DOCK9: variants seen among roughly 807,000 people sequenced by gnomAD.
DOCK9 encodes dedicator of cytokinesis protein 9.
Under a neutral mutation model 263.3 loss-of-function variants are expected in DOCK9, and 89 were observed. The ratio of observed to expected loss-of-function variants is 0.34; its 90% CI spans 0.28 to 0.40. The LOEUF (loss-of-function observed/expected upper bound fraction) is 0.40, where lower values mean the gene tolerates loss of function less well. Among genes scored for constraint, DOCK9 ranks in the 10% least tolerant of loss-of-function variants. The pLI is 1.00. For synonymous variants in DOCK9, 976 were observed against 973.1 expected, an observed-to-expected ratio of 1.00 and a Z score of -0.06; for missense variants, 2,140 against 2,603.4, an observed-to-expected ratio of 0.82 and a Z score of 3.87.
At position 99,015,054 on chromosome 13, in the gene DOCK9, C is replaced by T. The variant is rs750195454; in HGVS notation, c.130-59503G>A. On this transcript the variant is annotated intron_variant, in intron 1 of 32. Coordinates refer to the DOCK9 transcript ENST00000427887. The stretch of plus-strand genomic sequence containing the variant: ...TAAGCCATTAGTAAGAAAAACCTGG[C>T]CAACTAGAAGACTGGAATGTAAAGG... 3.2e-4 allele frequency among the ~76,000 whole-genome samples: 49 copies of T among 152,144 alleles called. 1 individual carries two copies. Among genetic ancestry groups the T allele is most frequent in the Non-Finnish European group, 6.5e-4 (44 of 68,014 alleles).
intron 1 of DOCK9, among the ~76,000 whole-genome samples, chr13:99,057,884 A>T (rs2040998604): frequency 6.6e-6 from 1 of 152,296 alleles, no homozygotes; most frequent in Non-Finnish European, 1.5e-5. Flanking sequence ...TATACTGATA[A>T]TACACTGTAA....
At chr13:99,001,227 C>T (rs562887104) in intron 1 of DOCK9, among the ~76,000 whole-genome samples, 1 of 152,176 alleles carries the variant, frequency 6.6e-6, no homozygotes, top group Non-Finnish European at 1.5e-5. Flanking sequence ...TGGTACGAAA[C>T]CACTTGTAAT....
chr13:98,841,686 A>T (rs2093221939), intron 38 of DOCK9, among the ~76,000 whole-genome samples: 1 of 146,594 alleles, frequency 6.8e-6, no homozygotes, highest in African/African-American at 2.5e-5. Flanking sequence ...CAGCGGCATG[A>T]TCTCGGCTCA....
intron 1 of DOCK9, among the ~76,000 whole-genome samples, chr13:98,984,543 T>TAG (rs1877994950): frequency 6.6e-6 from 1 of 152,254 alleles, no homozygotes; most frequent in African/African-American, 2.4e-5. Flanking sequence ...AGAATGTAAC[T>TAG]ACTGATTACC....
At chr13:98,893,020 G>A (rs1188094520) in intron 15 of DOCK9, among the ~76,000 whole-genome samples, 4 of 152,186 alleles carry the variant, frequency 2.6e-5, no homozygotes, top group East Asian at 3.8e-4. Flanking sequence ...AAAGACAAAG[G>A]AAAAGGGGAA....
chr13:98,934,101 C>T (rs565744618), intron 2 of DOCK9, among the ~76,000 whole-genome samples: 1 of 152,056 alleles, frequency 6.6e-6, no homozygotes, highest in South Asian at 2.1e-4. Flanking sequence ...CGGGGGGTCT[C>T]ACCATTTTGT....
chr13:98,881,090 T>C (rs1202862124), intron 25 of DOCK9, among the ~76,000 whole-genome samples: 1 of 152,232 alleles, frequency 6.6e-6, no homozygotes, highest in Non-Finnish European at 1.5e-5. Flanking sequence ...TTACTGGATG[T>C]TGTATATAAA....
At chr13:99,025,895 G>A (rs1050795841) in intron 1 of DOCK9, among the ~76,000 whole-genome samples, 6 of 152,134 alleles carry the variant, frequency 3.9e-5, no homozygotes, top group African/African-American at 1.4e-4. Flanking sequence ...CACAGCATGG[G>A]TGACTCTTAA....
chr13:98,803,907 C>T (rs551309288), intron 49 of DOCK9, among the ~76,000 whole-genome samples: 2 of 150,830 alleles, frequency 1.3e-5, no homozygotes, highest in African/African-American at 2.4e-5. Context: ...CCCTGCAATA[C>T]GCTGTCCTGG....
intron 27 of DOCK9, among the ~76,000 whole-genome samples, chr13:98,870,823 G>T (rs557985157): frequency 1.7e-4 from 26 of 151,626 alleles, no homozygotes; most frequent in African/African-American, 6.1e-4. Context: ...ACACGGTGAG[G>T]CTACCATCAG....
intron 2 of DOCK9, among the ~76,000 whole-genome samples, chr13:98,946,521 G>A (rs1252648448): frequency 2.0e-5 from 3 of 152,068 alleles, no homozygotes; most frequent in Admixed American, 6.6e-5. Context: ...TCCATTTGGA[G>A]CTGGCAGTAT....
rs781212295 is a variant in DOCK9, at chr13:98,881,988, C to T, written c.2579G>A (p.Gly860Asp). The T allele has an allele frequency of 2.5e-6, 4 of 1,592,546 alleles. No individual in the cohort carries two copies. In the South Asian group the frequency reaches 3.5e-5, roughly 14 times the overall value. ...GGGCAAGAAGGCGATCATCACGTGGCCTTCCATCGCATGCAGACTCTACGG... is the reference window on the plus strand; with the variant it reads ...GGGCAAGAAGGCGATCATCACGTGGTCTTCCATCGCATGCAGACTCTACGG... ...KYLKSLHAME[G>D]HVMIAFLPTI... The change falls in exon 24 of 53, where the codon GGC becomes GAC. Residue 860 changes from glycine to aspartate, a missense_variant. Coordinates refer to ENST00000682017, the MANE Select transcript of DOCK9 (RefSeq NM_001366683.2).
chr13:99,024,591 C>T (rs1886504825), intron 1 of DOCK9, among the ~76,000 whole-genome samples: 1 of 152,192 alleles, frequency 6.6e-6, no homozygotes, highest in Non-Finnish European at 1.5e-5. Flanking sequence ...ATTTTAGCAG[C>T]TGACTGTTTT....
Position 98,848,633 on chromosome 13 carries a change from G to C in DOCK9, c.4020C>G (p.Cys1340Trp), listed in dbSNP as rs774280619. The change falls in exon 37 of 53, where the codon TGC (cysteine) becomes TGG (tryptophan). Residue 1340 changes from cysteine (C) to tryptophan (W), a missense_variant. Physicochemically the swap from Cys to Trp is radical, Grantham distance 215 (BLOSUM62 -2). Around this residue, in one of 2 missense-constraint regions of DOCK9, gnomAD observed 1,521 missense variants for 1,741.7 expected, o/e 0.87. Coordinates refer to ENST00000682017, the MANE Select transcript of DOCK9 (RefSeq NM_001366683.2). ...LMDFFTISEV[C>W]LHQFQYMGKR... is the part of the protein sequence containing the mutation. ...TCCCCATGTACTGGAACTGGTGCAG[G>C]CAGACTCTGCAGGCAAGATGAAAAA... 6.2e-7 allele frequency: 1 copy of C among 1,612,052 alleles called. No individual in the cohort carries two copies. Among genetic ancestry groups the C allele is most frequent in the South Asian group, 1.1e-5 (1 of 90,216 alleles).
At chr13:98,855,853 T>A (rs1160033903) in intron 34 of DOCK9, 45 bp downstream of exon 34, 1 of 1,608,300 alleles carries the variant, frequency 6.2e-7, no homozygotes, top group Non-Finnish European at 8.5e-7. Context: ...TTGGGCTAAA[T>A]CCATTGATTA....
chr13:99,021,580 A>C (rs528127998), intron 1 of DOCK9, among the ~76,000 whole-genome samples: 2 of 148,268 alleles, frequency 1.3e-5, no homozygotes, highest in African/African-American at 5.0e-5. Context: ...CAGAGCTTGC[A>C]GTGAGCCGAG....
At chr13:98,955,338 ATAAT>A in intron 2 of DOCK9, 93 bp downstream of exon 2, 1 of 794,864 alleles carries the variant, frequency 1.3e-6, no homozygotes, top group Non-Finnish European at 1.9e-6. Context: ...AATAATAATA[ATAAT>A]TAACTAACCA....
intron 23 of DOCK9, among the ~76,000 whole-genome samples, chr13:98,882,572 C>T (rs550561827): frequency 1.3e-5 from 2 of 152,162 alleles, no homozygotes; most frequent in Admixed American, 1.3e-4. Flanking sequence ...CCCTGCCTGG[C>T]TCTTGCTGCT....
chr13:98,827,241 A>G (rs867497013), intron 43 of DOCK9, among the ~76,000 whole-genome samples: 1 of 152,220 alleles, frequency 6.6e-6, no homozygotes, highest in African/African-American at 2.4e-5. Flanking sequence ...TTTGAAGAAA[A>G]CATGTGCTCC....
Sources: allele counts gnomAD v4.1 joint callset (sites outside exome capture counted in the v4.1 genomes callset), GRCh38; gene constraint gnomAD v4.1.1; regional missense constraint gnomAD v4.1.1; transcripts MANE v1.5; gene names NCBI Gene and HGNC (gene_info 2026-07-23, HGNC 2026-07-21).